The following RBMS3 variants were observed in gnomAD, a reference collection of about 807,000 sequenced individuals.
RBMS3 encodes RNA binding motif single stranded interacting protein 3.
RBMS3 carries 27 observed loss-of-function variants against 66.8 expected under a neutral mutation model. The ratio of observed to expected loss-of-function variants is 0.40; its 90% CI spans 0.30 to 0.56. The LOEUF (loss-of-function observed/expected upper bound fraction) is 0.56, where lower values mean the gene tolerates loss of function less well. RBMS3 is among the 20% of genes least tolerant of loss of function. RBMS3 has a pLI of 0.40. For synonymous variants in RBMS3, 188 were observed against 183.0 expected (o/e 1.03, Z -0.22); for missense variants, 513 against 549.5 (o/e 0.93, Z 0.66).
At chr3:29,880,817 A>T in intron 7 of RBMS3, 1 of 1,535,852 alleles carries the variant, frequency 6.5e-7, no homozygotes, top group Non-Finnish European at 8.7e-7. Context: ...AAAATCGTGA[A>T]GTAGGTGAAT....
intron 5 of RBMS3, among the ~76,000 whole-genome samples, chr3:29,740,342 A>G (rs1305295525): frequency 6.6e-6 from 1 of 152,206 alleles, no homozygotes; most frequent in Non-Finnish European, 1.5e-5. Context: ...GAGAAACAGG[A>G]ATTACTGAGA....
intron 1 of RBMS3, among the ~76,000 whole-genome samples, chr3:29,407,184 C>T (rs1423838643): frequency 6.6e-6 from 1 of 152,184 alleles, no homozygotes; most frequent in African/African-American, 2.4e-5. Context: ...CACACTTGCT[C>T]ACTGCCAGGG....
intron 4 of RBMS3, among the ~76,000 whole-genome samples, chr3:29,704,855 C>T (rs2052801818): frequency 6.6e-6 from 1 of 152,188 alleles, no homozygotes; most frequent in African/African-American, 2.4e-5. Context: ...AGGGTTTACC[C>T]ACAAAAATAC....
chr3:29,588,344 C>T (rs577089356), intron 4 of RBMS3, among the ~76,000 whole-genome samples: 19 of 152,098 alleles, frequency 1.2e-4, no homozygotes, highest in Admixed American at 2.6e-4. Flanking sequence ...ATGCTCTGCT[C>T]GTGTATACAT....
chr3:29,460,291 T>C (rs1559379227), intron 2 of RBMS3, among the ~76,000 whole-genome samples: 1 of 152,194 alleles, frequency 6.6e-6, no homozygotes, highest in Non-Finnish European at 1.5e-5. Flanking sequence ...GTGGATGAGA[T>C]TTAGAACTGA....
chr3:29,601,587 C>T (rs2048146153), intron 4 of RBMS3, among the ~76,000 whole-genome samples: 1 of 151,946 alleles, frequency 6.6e-6, no homozygotes, highest in Non-Finnish European at 1.5e-5. Context: ...TTGTGTTTGC[C>T]TTAATAAAAT....
intron 4 of RBMS3, among the ~76,000 whole-genome samples, chr3:29,714,974 T>C (rs1350499567): frequency 1.3e-5 from 2 of 151,850 alleles, no homozygotes; most frequent in Non-Finnish European, 2.9e-5. Flanking sequence ...GGATCTTGTG[T>C]AGTTTCATCC....
At chr3:29,415,461 T>C (rs936977652) in intron 1 of RBMS3, among the ~76,000 whole-genome samples, 1 of 152,212 alleles carries the variant, frequency 6.6e-6, no homozygotes, top group Middle Eastern at 3.2e-3. Flanking sequence ...AGCCCTTGAA[T>C]GTCAGTCTCA....
intron 1 of RBMS3, among the ~76,000 whole-genome samples, chr3:29,293,557 A>C (rs757477440): frequency 3.3e-5 from 5 of 151,726 alleles, no homozygotes; most frequent in Admixed American, 1.3e-4. Flanking sequence ...GCTAGCTGCT[A>C]TTGTTATTAT....
intron 1 of RBMS3, among the ~76,000 whole-genome samples, chr3:29,327,371 T>C (rs962671684): frequency 3.9e-5 from 6 of 152,110 alleles, no homozygotes; most frequent in Admixed American, 6.5e-5. Context: ...AGTCTTATGT[T>C]TATATTTAAT....
At chr3:29,939,789 G>A (rs770670384) in intron 11 of RBMS3, among the ~76,000 whole-genome samples, 1 of 151,624 alleles carries the variant, frequency 6.6e-6, no homozygotes, top group African/African-American at 2.4e-5. Flanking sequence ...TGGCTTCCAC[G>A]TTGACTCCTA....
intron 12 of RBMS3, among the ~76,000 whole-genome samples, chr3:29,970,633 T>C (rs1236143544): frequency 6.6e-6 from 1 of 152,194 alleles, no homozygotes; most frequent in Non-Finnish European, 1.5e-5. Context: ...ACCAGATGAT[T>C]GTCTAAAATC....
chr3:29,588,394 G>T (rs907815162), intron 4 of RBMS3, among the ~76,000 whole-genome samples: 1 of 151,998 alleles, frequency 6.6e-6, no homozygotes, highest in East Asian at 1.9e-4. Flanking sequence ...GAATGATAAG[G>T]TAGTCAGATT....
chr3:29,984,766 C>T (rs896515703), intron 12 of RBMS3, among the ~76,000 whole-genome samples: 1 of 152,158 alleles, frequency 6.6e-6, no homozygotes, highest in African/African-American at 2.4e-5. Context: ...ATATTGCTGC[C>T]TGTTCCTTCC....
rs10530714 is a variant in RBMS3 at position 29,413,372 on chromosome 3, TCATACATACATACATACATA to T, written c.76-21336_76-21317del. Among the ~76,000 whole-genome samples the T allele has an allele frequency of 2.1e-3, 232 of 109,948 alleles. 1 individual carries two copies. The highest frequency in any genetic ancestry group is 6.9e-3 in the African/African-American group (203 of 29,444). The allele number at this position is 109,948 out of a possible 152,430, so 72.1% of individuals were successfully genotyped here. A position where few individuals can be genotyped will look rare whatever the true frequency, so the allele number is the denominator to read the frequency against. On this transcript the variant is annotated intron_variant, in intron 1 of 14. Coordinates refer to ENST00000383767, the MANE Select transcript of RBMS3 (RefSeq NM_001003793.3). ...CAAAGAGAGTGAAACTCCATCTCAT[TCATACATACATACATACATA>T]CATACATACATACATACATACATAC...
intron 7 of RBMS3, among the ~76,000 whole-genome samples, chr3:29,874,279 A>T (rs984347068): frequency 6.6e-6 from 1 of 152,196 alleles, no homozygotes; most frequent in Non-Finnish European, 1.5e-5. Context: ...AAACCACTGG[A>T]GATAAAAATA....
chr3:29,965,987 CT>C (rs1220408261), intron 12 of RBMS3, among the ~76,000 whole-genome samples: 4 of 152,072 alleles, frequency 2.6e-5, no homozygotes, highest in African/African-American at 9.7e-5. Context: ...AAAGGGTGTC[CT>C]TTTTCCACTT....
Position 29,859,794 on chromosome 3 carries a change from A to G in RBMS3, c.638-9064A>G, listed in dbSNP as rs1269475842. On this transcript the variant is annotated intron_variant, in intron 6 of 14. Coordinates refer to ENST00000383767, the MANE Select transcript of RBMS3 (RefSeq NM_001003793.3). Reference sequence around the variant, plus strand: ...TAATTCTGTGTTGTAACCTTCAAGTAATTTTTGCCATGTAAATTGTGGTTG... The same window carrying G: ...TAATTCTGTGTTGTAACCTTCAAGTGATTTTTGCCATGTAAATTGTGGTTG... Among the ~76,000 whole-genome samples, 3 of 152,192 alleles carry G rather than the reference A, an allele frequency of 2.0e-5. 1 individual carries two copies. Among genetic ancestry groups the G allele is most frequent in the Admixed American group, 2.0e-4 (3 of 15,276 alleles).
intron 4 of RBMS3, among the ~76,000 whole-genome samples, chr3:29,722,545 A>G (rs1291330570): frequency 6.6e-6 from 1 of 152,184 alleles, no homozygotes; most frequent in African/African-American, 2.4e-5. Context: ...TTTATAATAA[A>G]CAAAAAATTT....
Sources: allele counts gnomAD v4.1 joint callset (sites outside exome capture counted in the v4.1 genomes callset), GRCh38; gene constraint gnomAD v4.1.1; transcripts MANE v1.5; gene names NCBI Gene and HGNC (gene_info 2026-07-23, HGNC 2026-07-21).